CRYZ: variants seen among roughly 807,000 people sequenced by gnomAD.
CRYZ encodes crystallin zeta, also known as zeta-crystallin.
Under a neutral mutation model 34.1 loss-of-function variants are expected in CRYZ, and 35 were observed. That is an observed-to-expected ratio of 1.03 (90% CI 0.78 to 1.36). The LOEUF is 1.36. Ranked by LOEUF, CRYZ falls within the 40% of genes most tolerant of loss-of-function variation. The pLI, the probability that CRYZ is intolerant of heterozygous loss-of-function variation, is 0.00. For synonymous variants in CRYZ, 137 were observed against 136.5 expected, an observed-to-expected ratio of 1.00 and a Z score of -0.03; for missense variants, 403 against 391.8, an observed-to-expected ratio of 1.03 and a Z score of -0.24.
rs78269332 is a variant in CRYZ at position 74,727,207 on chromosome 1, C to T, written c.-13-2373G>A. Among the ~76,000 whole-genome samples the T allele has an allele frequency of 9.3e-3, 1,380 of 148,178 alleles. 42 individuals carry two copies. Among genetic ancestry groups the T allele is most frequent in the African/African-American group, 0.032 (1,305 of 40,992 alleles). ...CCCCACTCTAATGGTACCTATTTAC[C>T]GTATTAGTTCATTTTCATATGGCTA... On this transcript the variant is annotated intron_variant, in intron 1 of 8. Coordinates refer to ENST00000340866, the MANE Select transcript of CRYZ (RefSeq NM_001889.4).
intron 6 of CRYZ, chr1:74,708,477 T>A (rs559940528): frequency 6.6e-6 from 1 of 152,226 alleles, no homozygotes; most frequent in South Asian, 2.1e-4. Context: ...AGCTCAGTTA[T>A]GAATAACAGT....
chr1:74,712,803 G>A (rs1647022844), intron 5 of CRYZ, among the ~76,000 whole-genome samples: 1 of 152,112 alleles, frequency 6.6e-6, no homozygotes, highest in South Asian at 2.1e-4. Context: ...TGCTTTAAAA[G>A]GGCACTCAAT....
At chr1:74,732,123 C>A (rs373296720) in intron 1 of CRYZ, among the ~76,000 whole-genome samples, 1 of 147,952 alleles carries the variant, frequency 6.8e-6, no homozygotes, top group Admixed American at 6.7e-5. Flanking sequence ...AGGGGCACTA[C>A]CTAGGAGAAG....
At chr1:74,726,843 G>T (rs1647368070) in intron 1 of CRYZ, among the ~76,000 whole-genome samples, 1 of 152,098 alleles carries the variant, frequency 6.6e-6, no homozygotes, top group South Asian at 2.1e-4. Context: ...ATGCTTTACT[G>T]CTTAGAAATT....
chr1:74,726,481 C>T (rs1048959074), intron 1 of CRYZ, among the ~76,000 whole-genome samples: 1 of 152,166 alleles, frequency 6.6e-6, no homozygotes, highest in Non-Finnish European at 1.5e-5. Context: ...CTAGGCTGCA[C>T]ACGGCATGGA....
chr1:74,732,534 C>T (rs1048940520), intron 1 of CRYZ, among the ~76,000 whole-genome samples: 5 of 147,858 alleles, frequency 3.4e-5, no homozygotes, highest in African/African-American at 1.2e-4. Flanking sequence ...GACCGCTGGG[C>T]GCTGCTGCAG....
intron 3 of CRYZ, 104 bp from the exon 4 acceptor site, chr1:74,719,476 C>T: frequency 9.5e-7 from 1 of 1,048,796 alleles, no homozygotes; most frequent in South Asian, 1.8e-5. Flanking sequence ...CATATATTGT[C>T]CTCTATAGGG....
intron 2 of CRYZ, among the ~76,000 whole-genome samples, chr1:74,723,501 T>A (rs909868974): frequency 3.3e-5 from 5 of 152,162 alleles, no homozygotes; most frequent in African/African-American, 1.2e-4. Context: ...GTGAAAGAAA[T>A]ATCTAAGGGG....
At chr1:74,730,804 C>T (rs455032) in intron 1 of CRYZ, among the ~76,000 whole-genome samples, 35,367 of 151,926 alleles carry the variant, frequency 0.23, 4,250 homozygotes, top group Middle Eastern at 0.3. Flanking sequence ...ATAAACTTTA[C>T]AATAGTGATA....
At chr1:74,718,729 C>T (rs1244997651) in intron 4 of CRYZ, among the ~76,000 whole-genome samples, 1 of 152,058 alleles carries the variant, frequency 6.6e-6, no homozygotes, top group Non-Finnish European at 1.5e-5. Context: ...GACTCTCAGG[C>T]ACCAGCTATG....
chr1:74,723,217 G>A lies in CRYZ; in HGVS notation c.165C>T (p.Arg55=), dbSNP rs766215802. Reference sequence around the variant, plus strand: ...GTGGTTTTCTACTATAAGTACCAGAGCGAATGTATGTCTCCACGGGGTTGA... The same window carrying A: ...GTGGTTTTCTACTATAAGTACCAGAACGAATGTATGTCTCCACGGGGTTGA... ...CGVNPVETYI[R]SGTYSRKPLL... The change falls in exon 3 of 9, where the codon CGC becomes CGT. Residue 55 remains arginine, a synonymous_variant. Transcript: ENST00000340866. The A allele has an allele frequency of 6.2e-7, 1 of 1,614,028 alleles. No individual in the cohort carries two copies. The highest frequency in any genetic ancestry group is 8.5e-7 in the Non-Finnish European group (1 of 1,179,920).
At chr1:74,711,975 G>C (rs529782335) in intron 5 of CRYZ, among the ~76,000 whole-genome samples, 154 of 152,256 alleles carry the variant, frequency 1.0e-3, no homozygotes, top group Non-Finnish European at 1.8e-3. Context: ...ACTTTGGGAG[G>C]CTGAGGTGAG....
At chr1:74,708,168 T>C (rs1190095546) in intron 6 of CRYZ, 2 of 152,014 alleles carry the variant, frequency 1.3e-5, no homozygotes, top group Non-Finnish European at 2.9e-5. Context: ...CAAGAGGAAC[T>C]GAAGTACATA....
At chr1:74,727,375 G>A (rs1224303965) in intron 1 of CRYZ, among the ~76,000 whole-genome samples, 2 of 146,786 alleles carry the variant, frequency 1.4e-5, no homozygotes, top group Non-Finnish European at 3.0e-5. Flanking sequence ...GAGAGCATGT[G>A]CAGAGGAACT....
chr1:74,727,588 G>A (rs1308592573), intron 1 of CRYZ, among the ~76,000 whole-genome samples: 2 of 90,756 alleles, frequency 2.2e-5, no homozygotes, highest in Non-Finnish European at 4.3e-5. Flanking sequence ...GCTGAGAGAT[G>A]CCACTACACT....
Position 74,724,816 on chromosome 1 carries a change from C to G in CRYZ, c.6G>C (p.Ala2=), listed in dbSNP as rs764539685. 3.1e-6 allele frequency: 5 copies of G among 1,603,376 alleles called. No homozygotes were observed. In the South Asian group the frequency reaches 4.5e-5, roughly 14 times the overall value. The change falls in exon 2 of 9, where the codon GCG becomes GCC. Residue 2 remains alanine (A), a synonymous_variant. Coordinates refer to ENST00000340866, the MANE Select transcript of CRYZ (RefSeq NM_001889.4). ...CAGCTCTCATCAACTTCTGTCCAGT[C>G]GCCATGGTGATCTAGATACTAAGGA... The part of the protein sequence containing the change: M[A]TGQKLMRAVR...
At chr1:74,723,090 A>G (rs1243515741) in intron 3 of CRYZ, 28 bp downstream of exon 3, 1 of 1,600,040 alleles carries the variant, frequency 6.2e-7, no homozygotes, top group Admixed American at 1.8e-5. Context: ...AAATTCAGCC[A>G]AAATAGAAAT....
intron 1 of CRYZ, among the ~76,000 whole-genome samples, chr1:74,731,253 C>T (rs75917962): frequency 5.9e-5 from 9 of 151,704 alleles, no homozygotes; most frequent in Non-Finnish European, 8.8e-5. Context: ...TTGATTTAAA[C>T]GAAAATTAAA....
intron 1 of CRYZ, among the ~76,000 whole-genome samples, chr1:74,728,060 C>G (rs1647480099): frequency 6.6e-6 from 1 of 152,134 alleles, no homozygotes; most frequent in African/African-American, 2.4e-5. Flanking sequence ...ATAAAAATCT[C>G]AGAAACTTAG....
Sources: allele counts gnomAD v4.1 joint callset (sites outside exome capture counted in the v4.1 genomes callset), GRCh38; gene constraint gnomAD v4.1.1; transcripts MANE v1.5; gene names NCBI Gene and HGNC (gene_info 2026-07-23, HGNC 2026-07-21).